The following ADPRH variants were observed in gnomAD, a reference collection of about 807,000 sequenced individuals.
The protein encoded by ADPRH is ADP-ribose-L-arginine cleaving enzyme.
A neutral mutation model predicts 28.8 loss-of-function variants in ADPRH; 27 were observed. The observed-to-expected ratio is 0.94, with a 90% CI of 0.69 to 1.29. ADPRH has a LOEUF of 1.29. Ranked by LOEUF, ADPRH falls within the 50% of genes most tolerant of loss-of-function variation. The pLI, the probability that ADPRH is intolerant of heterozygous loss-of-function variation, is 0.00. For missense variants in ADPRH, 419 were observed against 444.8 expected (o/e 0.94, Z 0.52); for synonymous variants, 161 against 166.9 (o/e 0.96, Z 0.27).
chr3:119,582,076 T>G, intron 2 of ADPRH, 58 bp from the exon 3 acceptor site: 1 of 1,197,676 alleles, frequency 8.3e-7, no homozygotes, highest in Non-Finnish European at 1.2e-6. Flanking sequence ...GAGTCGTTGT[T>G]TTTTCTGATT....
chr3:119,583,313 A>G (rs2082425040), intron 3 of ADPRH, among the ~76,000 whole-genome samples: 1 of 152,194 alleles, frequency 6.6e-6, no homozygotes, highest in South Asian at 2.1e-4. Context: ...AAAATTATTC[A>G]GGGTGACTCT....
intron 3 of ADPRH, 30 bp downstream of exon 3, chr3:119,582,497 G>A (rs1230027680): frequency 1.3e-6 from 2 of 1,595,136 alleles, no homozygotes; most frequent in Admixed American, 1.7e-5. Context: ...GGTGCAAGGA[G>A]GGCAAAGAAT....
intron 2 of ADPRH, 44 bp from the exon 3 acceptor site, chr3:119,582,090 C>T: frequency 1.4e-5 from 9 of 652,934 alleles, no homozygotes; most frequent in Non-Finnish European, 2.0e-5. Context: ...TCTGATTCTT[C>T]TTGCTCCTCA....
chr3:119,587,814 T>G lies in ADPRH; in HGVS notation c.1010T>G (p.Leu337Arg), dbSNP rs772280964. The G allele has an allele frequency of 1.2e-6, 2 of 1,613,932 alleles. No homozygotes were observed. Among genetic ancestry groups the G allele is most frequent in the East Asian group, 4.5e-5 (2 of 44,900 alleles). The change falls in exon 5 of 5, where the codon CTG (leucine) becomes CGG (arginine). Residue 337 changes from leucine to arginine, a missense_variant. Physicochemically the swap from Leu to Arg is moderately radical, Grantham distance 102. Transcript: ENST00000357003. ...NYEKLEYRNR[L>R]EETARALYSL... ...GAGAAACTAGAATACAGAAACCGGC[T>G]GGAAGAGACAGCTAGGGCTTTATAT...
rs2082478296 is a variant in ADPRH, at chr3:119,587,771, G to T, written c.967G>T (p.Val323Leu). The T allele has an allele frequency of 1.9e-6, 3 of 1,614,110 alleles. No individual in the cohort carries two copies. Among genetic ancestry groups the T allele is most frequent in the Middle Eastern group, 1.6e-4 (1 of 6,082 alleles). Reference protein sequence around the residue: ...WWGVMYGFKGVSPSNYEKLEY... With the variant: ...WWGVMYGFKGLSPSNYEKLEY... ...GGGAGTTATGTATGGTTTTAAAGGAGTGAGTCCCTCCAACTATGAGAAACT... is the reference window on the plus strand; with the variant it reads ...GGGAGTTATGTATGGTTTTAAAGGATTGAGTCCCTCCAACTATGAGAAACT... Residue 323 changes from valine to leucine, a missense_variant, in exon 5 of 5, where the codon GTG (valine) becomes TTG (leucine). Val to Leu is a conservative substitution (Grantham distance 32). Transcript: ENST00000357003.
intron 2 of ADPRH, 63 bp from the exon 3 acceptor site, chr3:119,582,071 G>GTGGTTTTTTGTGA: frequency 7.9e-7 from 1 of 1,268,986 alleles, no homozygotes; most frequent in Non-Finnish European, 1.1e-6. Context: ...AGCTAGAGTC[G>GTGGTTTTTTGTGA]TTGTTTTTTC....
Position 119,587,905 on chromosome 3 carries a change from A to T in ADPRH, c.*27A>T. On this transcript the variant is annotated 3_prime_UTR_variant, in exon 5 of 5. Transcript: ENST00000357003. ...GAGACGTGATGTTCACTTCTGATGG[A>T]TTCTTCTTTTGTGTATTTCCTTTTC... 6.5e-7 allele frequency: 1 copy of T among 1,535,584 alleles called. No homozygotes were observed. Among genetic ancestry groups the T allele is most frequent in the Non-Finnish European group, 8.7e-7 (1 of 1,144,220 alleles).
chr3:119,582,546 G>A, intron 3 of ADPRH, 79 bp downstream of exon 3: 3 of 1,400,466 alleles, frequency 2.1e-6, no homozygotes, highest in Non-Finnish European at 2.9e-6. Flanking sequence ...TGTTGATGGA[G>A]ATTTAAATAA....
At chr3:119,585,060 TG>T (rs1174522820) in intron 3 of ADPRH, among the ~76,000 whole-genome samples, 3 of 152,146 alleles carry the variant, frequency 2.0e-5, no homozygotes, top group Non-Finnish European at 4.4e-5. Context: ...GCATTTGAAT[TG>T]GGGGGACTCA....
rs752168730 is a variant in ADPRH at position 119,586,447 on chromosome 3, T to C, written c.461T>C (p.Val154Ala). Residue 154 changes from valine to alanine, a missense_variant, in exon 4 of 5, where the codon GTG becomes GCG. By Grantham distance (64) the Val-to-Ala change is moderately conservative. Transcript: ENST00000357003. ...AGCCAACTGGACACACTGATCCAAGTGAGCATCGAGAGTGGTCGGATGACC... is the reference window on the plus strand; with the variant it reads ...AGCCAACTGGACACACTGATCCAAGCGAGCATCGAGAGTGGTCGGATGACC... ...HHSQLDTLIQ[V>A]SIESGRMTHH... 1.2e-5 allele frequency: 19 copies of C among 1,614,232 alleles called. No individual in the cohort carries two copies. The highest frequency in any genetic ancestry group is 1.5e-5 in the Non-Finnish European group (18 of 1,180,050).
intron 3 of ADPRH, among the ~76,000 whole-genome samples, chr3:119,583,137 G>A (rs968406467): frequency 3.9e-5 from 6 of 152,188 alleles, no homozygotes; most frequent in African/African-American, 1.4e-4. Flanking sequence ...GCTGAGGTAG[G>A]ATGATTGCTT....
In ADPRH at chr3:119,584,207, C is replaced by T. The variant is rs142741678; in HGVS notation, c.298+1740C>T. On this transcript the variant is annotated intron_variant, in intron 3 of 4. Transcript: ENST00000357003. ...ATTTATAGTTTTTTATTTTTACTTA[C>T]TTGTATTTCTAAGTTTTCTGTGATG... 3.3e-3 allele frequency among the ~76,000 whole-genome samples: 508 copies of T among 152,042 alleles called. 7 individuals carry two copies. Among genetic ancestry groups the T allele is most frequent in the African/African-American group, 0.011 (470 of 41,480 alleles).
chr3:119,585,376 T>G (rs554094282), intron 3 of ADPRH, among the ~76,000 whole-genome samples: 42 of 152,292 alleles, frequency 2.8e-4, no homozygotes, highest in Middle Eastern at 3.4e-3. Context: ...CCTGCTTACG[T>G]CACTGTCACG....
rs1027287811 is a variant in ADPRH, at chr3:119,582,071, G to A, written c.-36-63G>A. The stretch of plus-strand genomic sequence containing the variant: ...TGCTCAATAAAACATAGCTAGAGTC[G>A]TTGTTTTTTCTGATTCTTCTTGCTC... On this transcript the variant is annotated intron_variant, in intron 2 of 4. Transcript: ENST00000357003. 8.8e-5 allele frequency: 112 copies of A among 1,268,868 alleles called. 4 individuals carry two copies. The highest frequency in any genetic ancestry group is 4.5e-4 in the African/African-American group (30 of 66,244). The allele number at this position is 1,268,868 out of a possible 1,614,324, so 78.6% of individuals were successfully genotyped here.
chr3:119,582,070 C>CGTG, intron 2 of ADPRH, 64 bp from the exon 3 acceptor site: 5 of 1,234,586 alleles, frequency 4.0e-6, no homozygotes, highest in Non-Finnish European at 5.7e-6. Flanking sequence ...TAGCTAGAGT[C>CGTG]GTTGTTTTTT....
chr3:119,579,991 T>G (rs1413741809), intron 1 of ADPRH, 140 bp downstream of exon 1: 2 of 152,286 alleles, frequency 1.3e-5, no homozygotes, highest in Admixed American at 6.5e-5. Flanking sequence ...AAGCCGGGCA[T>G]GGCCCGGAAG....
chr3:119,586,227 T>C (rs1400193978), intron 3 of ADPRH, 58 bp from the exon 4 acceptor site: 1 of 1,592,478 alleles, frequency 6.3e-7, no homozygotes, highest in Admixed American at 1.7e-5. Flanking sequence ...TATTTATTCC[T>C]GCTGGGGCCT....
chr3:119,587,247 G>A (rs570507478), intron 4 of ADPRH, among the ~76,000 whole-genome samples: 1 of 152,120 alleles, frequency 6.6e-6, no homozygotes, highest in Non-Finnish European at 1.5e-5. Context: ...TTTAGCAACA[G>A]GATCAATGCC....
rs1560069048 is a variant in ADPRH at position 119,587,626 on chromosome 3, C to CCCCATGATTGCCTACGATGCT, written c.823_843dup (p.Pro275_Ala281dup). Reference sequence around the variant, plus strand: ...GGGGTGGCAGCAGTGGGCACGATGCCCCCATGATTGCCTACGATGCTGTTC... The same window carrying CCCCATGATTGCCTACGATGCT: ...GGGGTGGCAGCAGTGGGCACGATGCCCCCATGATTGCCTACGATGCTCCCATGATTGCCTACGATGCTGTTC... On this transcript the variant is annotated inframe_insertion, in exon 5 of 5. Transcript: ENST00000357003. 4 of 1,614,088 alleles carry CCCCATGATTGCCTACGATGCT rather than the reference C, an allele frequency of 2.5e-6. No homozygotes were observed. Among genetic ancestry groups the CCCCATGATTGCCTACGATGCT allele is most frequent in the Non-Finnish European group, 3.4e-6 (4 of 1,180,034 alleles).
Sources: gnomAD v4.1 joint callset for allele counts (sites outside exome capture counted in the v4.1 genomes callset) on GRCh38, gnomAD v4.1.1 for gene constraint, MANE v1.5 for transcripts, NCBI Gene and HGNC (gene_info 2026-07-23, HGNC 2026-07-21) for gene names.